GRIK3: variants seen among roughly 807,000 people sequenced by gnomAD.
GRIK3 encodes glutamate ionotropic receptor kainate type subunit 3.
Under a neutral mutation model 102.5 loss-of-function variants are expected in GRIK3, and 29 were observed. The observed-to-expected ratio is 0.28, with a 90% confidence interval of 0.21 to 0.39. The LOEUF (loss-of-function observed/expected upper bound fraction) is 0.39. Among genes scored for constraint, GRIK3 ranks in the 10% least tolerant of loss-of-function variants. The pLI, the probability that GRIK3 is intolerant of heterozygous loss-of-function variation, is 1.00. For missense variants in GRIK3, 908 were observed against 1,252.4 expected (o/e 0.73, Z 4.15); for synonymous variants, 511 against 504.9 (o/e 1.01, Z -0.16).
intron 1 of GRIK3, among the ~76,000 whole-genome samples, chr1:37,004,610 G>A (rs1019783921): frequency 6.6e-6 from 1 of 152,194 alleles, no homozygotes; most frequent in Non-Finnish European, 1.5e-5. Flanking sequence ...CCATGGCAGG[G>A]AGGGACATCA....
At chr1:36,884,924 AC>A (rs1348323397) in intron 2 of GRIK3, among the ~76,000 whole-genome samples, 6 of 152,320 alleles carry the variant, frequency 3.9e-5, no homozygotes, top group Admixed American at 2.6e-4. Flanking sequence ...ATGTTGTTGG[AC>A]CAAGGCAAGG....
chr1:37,032,033 A>T (rs546938849), intron 1 of GRIK3, among the ~76,000 whole-genome samples: 1 of 152,306 alleles, frequency 6.6e-6, no homozygotes, highest in African/African-American at 2.4e-5. Context: ...CTGGGCTGAC[A>T]CGCTAATTAA....
intron 1 of GRIK3, among the ~76,000 whole-genome samples, chr1:36,894,308 A>G (rs1283141726): frequency 6.6e-6 from 1 of 152,216 alleles, no homozygotes; most frequent in African/African-American, 2.4e-5. Context: ...CGGTTCATCC[A>G]TATTAGTGTC....
In GRIK3 at chr1:36,872,463, G is replaced by A; in HGVS notation, c.551-94C>T. 1 of 1,013,040 alleles carries A rather than the reference G, an allele frequency of 9.9e-7. No individual in the cohort carries two copies. Among genetic ancestry groups the A allele is most frequent in the Non-Finnish European group, 1.4e-6 (1 of 694,566 alleles). The allele number at this position is 1,013,040 out of a possible 1,614,324, so 62.8% of individuals were successfully genotyped here. ...GACTTGTGTGCACACACATGCCCAT[G>A]GCCACAGGTCTGCAGACATACACGG... On this transcript the variant is annotated intron_variant, in intron 3 of 15. Coordinates refer to ENST00000373091, the MANE Select transcript of GRIK3 (RefSeq NM_000831.4). This position sits in a 1 kb window ranked among gnomAD's most constrained non-coding sequence, Gnocchi z 5.9.
At position 36,856,726 on chromosome 1, in the gene GRIK3, C is replaced by T. The variant is rs993599567; in HGVS notation, c.1104+2382G>A. Among the ~76,000 whole-genome samples the T allele has an allele frequency of 1.1e-4, 16 of 152,226 alleles. 1 individual carries two copies. The highest frequency in any genetic ancestry group is 7.7e-4 in the East Asian group (4 of 5,180). On this transcript the variant is annotated intron_variant, in intron 7 of 15. Transcript: ENST00000373091. ...GGGAGTGTGAGCAGTGAGGGTCACT[C>T]GTTGGGCCTGGGAAGGAGAATGGAG... is the stretch of plus-strand genomic sequence containing the variant.
chr1:36,937,048 G>A lies in GRIK3; in HGVS notation c.116-45952C>T, dbSNP rs546227937. ...GGATATCGGGCTGTCCTCTCCACCA[G>A]TTTTCATGTTGGCTTAGCTGAAGAT... On this transcript the variant is annotated intron_variant, in intron 1 of 15. Transcript: ENST00000373091. 5.3e-5 allele frequency among the ~76,000 whole-genome samples: 8 copies of A among 152,326 alleles called. No homozygotes were observed. The East Asian group carries it at 1.5e-3, about 29-fold the overall frequency.
intron 1 of GRIK3, among the ~76,000 whole-genome samples, chr1:36,932,019 C>T (rs764494714): frequency 9.2e-5 from 14 of 152,186 alleles, no homozygotes; most frequent in Non-Finnish European, 2.1e-4. Context: ...ACCTGAAGCT[C>T]ACTGTGACGG....
In GRIK3 at chr1:37,015,617, G is replaced by A. The variant is rs1359847504; in HGVS notation, c.115+18377C>T. 3.9e-5 allele frequency among the ~76,000 whole-genome samples: 6 copies of A among 152,234 alleles called. No individual in the cohort carries two copies. The East Asian group carries it at 1.2e-3, about 30-fold the overall frequency. Reference sequence around the variant, plus strand: ...CAAAGAGCCCACACTCTTGCCACAGGGGCCCCCAGGTCCATAGCCTAGCCA... The same window carrying A: ...CAAAGAGCCCACACTCTTGCCACAGAGGCCCCCAGGTCCATAGCCTAGCCA... On this transcript the variant is annotated intron_variant, in intron 1 of 15. Coordinates refer to ENST00000373091, the MANE Select transcript of GRIK3 (RefSeq NM_000831.4).
At chr1:36,961,079 T>C (rs977464916) in intron 1 of GRIK3, among the ~76,000 whole-genome samples, 1 of 152,236 alleles carries the variant, frequency 6.6e-6, no homozygotes, top group Non-Finnish European at 1.5e-5. Flanking sequence ...TCTCTTGTTA[T>C]CCTGTCCCTG....
chr1:36,822,617 C>CT (rs1642707520), intron 11 of GRIK3, among the ~76,000 whole-genome samples: 1 of 152,190 alleles, frequency 6.6e-6, no homozygotes, highest in Non-Finnish European at 1.5e-5. Flanking sequence ...TGGAGACACT[C>CT]TGTCTCCACA....
At position 36,819,824 on chromosome 1, in the gene GRIK3, G is replaced by C; in HGVS notation, c.1785C>G (p.His595Gln). The C allele has an allele frequency of 6.3e-7, 1 of 1,591,348 alleles. No homozygotes were observed. The highest frequency in any genetic ancestry group is 8.6e-7 in the Non-Finnish European group (1 of 1,165,184). Residue 595 changes from histidine (H) to glutamine (Q), a missense_variant, in exon 12 of 16, where the codon CAC (histidine) becomes CAG (glutamine). His to Gln is a conservative substitution (Grantham distance 24, BLOSUM62 0). Around this residue, in one of 3 missense-constraint regions of GRIK3, gnomAD observed 585 missense variants for 824.9 expected, o/e 0.71. Coordinates refer to ENST00000373091, the MANE Select transcript of GRIK3 (RefSeq NM_000831.4). This position sits in a 1 kb window ranked among gnomAD's most constrained non-coding sequence, Gnocchi z 4.1. ...CCACCTCGGAGCCAGGGTTGCAGGG[G>C]TGAGCATCGTACCACTCATAAGGGC... ...RFSPYEWYDA[H>Q]PCNPGSEVVE...
chr1:36,843,386 G>C (rs2124218681), intron 9 of GRIK3, among the ~76,000 whole-genome samples: 1 of 152,312 alleles, frequency 6.6e-6, no homozygotes. Flanking sequence ...CTTTGTCACA[G>C]ACTGTTTGAC....
chr1:36,987,493 A>G (rs559857863), intron 1 of GRIK3, among the ~76,000 whole-genome samples: 3 of 152,322 alleles, frequency 2.0e-5, no homozygotes, highest in East Asian at 1.9e-4. Context: ...CTTGGGCTCA[A>G]TCCCATGGGG....
intron 1 of GRIK3, among the ~76,000 whole-genome samples, chr1:36,938,228 A>T (rs984393183): frequency 4.6e-5 from 7 of 152,210 alleles, no homozygotes; most frequent in Non-Finnish European, 1.0e-4. Context: ...TGATGGCACC[A>T]TACCCTGGGT....
At chr1:36,964,965 T>C (rs761898115) in intron 1 of GRIK3, among the ~76,000 whole-genome samples, 8 of 152,198 alleles carry the variant, frequency 5.3e-5, no homozygotes, top group Non-Finnish European at 8.8e-5. Context: ...ATTCCCCCAA[T>C]TATAAGACAA....
chr1:37,006,907 A>C (rs1237720238), intron 1 of GRIK3, among the ~76,000 whole-genome samples: 2 of 152,224 alleles, frequency 1.3e-5, no homozygotes, highest in Non-Finnish European at 2.9e-5. Flanking sequence ...GCCAGGGAGC[A>C]AGCTAGTGGT....
chr1:36,875,984 A>G (rs1258625524), intron 3 of GRIK3, among the ~76,000 whole-genome samples: 1 of 152,208 alleles, frequency 6.6e-6, no homozygotes, highest in Non-Finnish European at 1.5e-5. Flanking sequence ...CAATGTCTAG[A>G]ATAATAGGTA....
At position 36,872,205 on chromosome 1, in the gene GRIK3, C is replaced by A. The variant is rs1640850436; in HGVS notation, c.715G>T (p.Ala239Ser). The A allele has an allele frequency of 6.2e-7, 1 of 1,600,004 alleles. No individual in the cohort carries two copies. Among genetic ancestry groups the A allele is most frequent in the East Asian group, 2.3e-5 (1 of 44,326 alleles). ...TCACGCACCTGCTTGAGGATCTGGG[C>A]CGCCATAGTGTGGCTGCAGTCGAAG... is the stretch of plus-strand genomic sequence containing the variant. ...IIFDCSHTMA[A>S]QILKQAMAMG... Residue 239 changes from alanine to serine, a missense_variant, in exon 4 of 16, where the codon GCC (alanine) becomes TCC (serine). This residue lies in a region of GRIK3 where 585 missense variants were observed against 824.9 expected (regional missense o/e 0.71). Coordinates refer to ENST00000373091, the MANE Select transcript of GRIK3 (RefSeq NM_000831.4). This position sits in a 1 kb window ranked among gnomAD's most constrained non-coding sequence, Gnocchi z 5.9.
chr1:36,959,058 G>A (rs1380379583), intron 1 of GRIK3, among the ~76,000 whole-genome samples: 3 of 126,786 alleles, frequency 2.4e-5, no homozygotes, highest in Admixed American at 1.6e-4. Flanking sequence ...TGTGCCCTGT[G>A]AGCCTGCACC....
Sources: allele counts gnomAD v4.1 joint callset (sites outside exome capture counted in the v4.1 genomes callset), GRCh38; gene constraint gnomAD v4.1.1; regional missense constraint gnomAD v4.1.1; non-coding constraint Gnocchi (gnomAD v3.1); transcripts MANE v1.5; gene names NCBI Gene and HGNC (gene_info 2026-07-23, HGNC 2026-07-21).